GLIPR1L2: variants seen among roughly 807,000 people sequenced by gnomAD.
GLIPR1L2 encodes GLIPR1 like 2.
GLIPR1L2 carries 21 observed loss-of-function variants against 28.4 expected under a neutral mutation model. The ratio of observed to expected loss-of-function variants is 0.74; its 90% confidence interval spans 0.52 to 1.06. The LOEUF (loss-of-function observed/expected upper bound fraction) is 1.06, where lower values mean the gene tolerates loss of function less well. Ranked by LOEUF, GLIPR1L2 falls within the 50% of genes least tolerant of loss-of-function variation. GLIPR1L2 has a pLI of 0.00. For missense variants in GLIPR1L2, 476 were observed against 416.9 expected, an observed-to-expected ratio of 1.14 and a Z score of -1.23; for synonymous variants, 145 against 139.3, an observed-to-expected ratio of 1.04 and a Z score of -0.29.
At chr12:75,409,161 A>C (rs1412912358) in intron 1 of GLIPR1L2, among the ~76,000 whole-genome samples, 3 of 151,942 alleles carry the variant, frequency 2.0e-5, no homozygotes, top group Non-Finnish European at 4.4e-5. Flanking sequence ...AGCTATTCTT[A>C]GTGTTAGTGT....
intron 3 of GLIPR1L2, among the ~76,000 whole-genome samples, chr12:75,421,035 G>A (rs1184549060): frequency 6.6e-6 from 1 of 152,096 alleles, no homozygotes; most frequent in Non-Finnish European, 1.5e-5. Context: ...GTTCTCAAAG[G>A]CAGTTTTTAT....
intron 1 of GLIPR1L2, among the ~76,000 whole-genome samples, chr12:75,399,750 G>GT (rs1355935954): frequency 6.6e-6 from 1 of 152,148 alleles, no homozygotes; most frequent in African/African-American, 2.4e-5. Flanking sequence ...TGACTAATCA[G>GT]TTTTTTAAAA....
intron 3 of GLIPR1L2, among the ~76,000 whole-genome samples, chr12:75,418,690 A>G (rs12423560): frequency 0.18 from 26,620 of 152,064 alleles, 2,575 homozygotes; most frequent in Admixed American, 0.24. Context: ...TGAAATTTAA[A>G]GTAGTTTTTT....
chr12:75,419,732 GGA>G (rs1467032048), intron 3 of GLIPR1L2, among the ~76,000 whole-genome samples: 1 of 152,174 alleles, frequency 6.6e-6, no homozygotes, highest in East Asian at 1.9e-4. Flanking sequence ...AGTGAAGGGA[GGA>G]GACCCAGCCA....
rs138045759 is a variant in GLIPR1L2 at position 75,405,975 on chromosome 12, C to G, written c.235-4459C>G. On this transcript the variant is annotated intron_variant, in intron 1 of 5. Coordinates refer to ENST00000550916, the MANE Select transcript of GLIPR1L2 (RefSeq NM_001270396.2). ...CATTTACTTAGGTTACTGGTCTGCTCTTAATAAGAAATTGTCAAAAGTTTT... is the reference window on the plus strand; with the variant it reads ...CATTTACTTAGGTTACTGGTCTGCTGTTAATAAGAAATTGTCAAAAGTTTT... Among the ~76,000 whole-genome samples, 407 of 148,884 alleles carry G rather than the reference C, an allele frequency of 2.7e-3. 2 individuals carry two copies. The highest frequency in any genetic ancestry group is 9.6e-3 in the African/African-American group (390 of 40,526).
chr12:75,391,514 G>A lies in GLIPR1L2; in HGVS notation c.234+164G>A, dbSNP rs2045595736. 7 of 1,535,090 alleles carry A rather than the reference G, an allele frequency of 4.6e-6. No individual in the cohort carries two copies. In the East Asian group the frequency reaches 1.7e-4, roughly 38 times the overall value. On this transcript the variant is annotated intron_variant, in intron 1 of 5. Transcript: ENST00000550916. ...CGTGAAGTTTACACAGAGAAAAACT[G>A]CGGACACTCTAACACATGCTTATTA...
In GLIPR1L2 at chr12:75,410,442, T is replaced by G. The variant is rs1312265799; in HGVS notation, c.243T>G (p.Asp81Glu). 1 of 1,567,534 alleles carries G rather than the reference T, an allele frequency of 6.4e-7. No homozygotes were observed. Among genetic ancestry groups the G allele is most frequent in the South Asian group, 1.2e-5 (1 of 83,386 alleles). ...RGSNLRFMTW[D>E]VALSRTARAW... ...TTTTGAATATTTTTCAGACTTGGGA[T>G]GTAGCTTTATCACGGACTGCTAGAG... is the stretch of plus-strand genomic sequence containing the variant. Residue 81 changes from aspartate (D) to glutamate (E), a missense_variant, in exon 2 of 6, where the codon GAT becomes GAG. Physicochemically the swap from Asp to Glu is conservative, Grantham distance 45 (BLOSUM62 2). Transcript: ENST00000550916.
intron 3 of GLIPR1L2, among the ~76,000 whole-genome samples, chr12:75,414,169 G>T (rs1205670054): frequency 6.6e-6 from 1 of 151,906 alleles, no homozygotes; most frequent in African/African-American, 2.4e-5. Context: ...ACATCTCAGA[G>T]ATTGAAAAGC....
intron 4 of GLIPR1L2, among the ~76,000 whole-genome samples, chr12:75,426,698 A>C (rs764537891): frequency 6.6e-6 from 1 of 152,218 alleles, no homozygotes; most frequent in Non-Finnish European, 1.5e-5. Context: ...TCCCACGTAA[A>C]GGGGGAAAAT....
At chr12:75,408,255 A>T (rs1024389342) in intron 1 of GLIPR1L2, among the ~76,000 whole-genome samples, 1 of 151,986 alleles carries the variant, frequency 6.6e-6, no homozygotes, top group East Asian at 1.9e-4. Flanking sequence ...AAGAATTTGG[A>T]GCTCTTACAA....
At chr12:75,401,166 CATAAA>C (rs2045737332) in intron 1 of GLIPR1L2, among the ~76,000 whole-genome samples, 1 of 151,418 alleles carries the variant, frequency 6.6e-6, no homozygotes, top group Non-Finnish European at 1.5e-5. Context: ...AAACTGTAAA[CATAAA>C]ATAATATTTT....
intron 3 of GLIPR1L2, among the ~76,000 whole-genome samples, chr12:75,422,086 A>T (rs957955894): frequency 3.3e-5 from 5 of 150,022 alleles, no homozygotes; most frequent in Non-Finnish European, 7.4e-5. Context: ...AAACTCCTGG[A>T]CTCAACTGAT....
intron 3 of GLIPR1L2, among the ~76,000 whole-genome samples, chr12:75,414,846 C>T (rs555932098): frequency 6.6e-6 from 1 of 152,142 alleles, no homozygotes; most frequent in African/African-American, 2.4e-5. Flanking sequence ...TTTCTGCTAA[C>T]AAGACGCAAA....
chr12:75,393,251 CAT>C, intron 1 of GLIPR1L2, among the ~76,000 whole-genome samples: 1 of 152,110 alleles, frequency 6.6e-6, no homozygotes, highest in African/African-American at 2.4e-5. Context: ...CAGGACATAA[CAT>C]TTACCATTTT....
intron 1 of GLIPR1L2, among the ~76,000 whole-genome samples, chr12:75,396,718 T>A (rs1277078331): frequency 1.3e-5 from 2 of 152,308 alleles, no homozygotes; most frequent in East Asian, 1.9e-4. Context: ...TCAGGACCTA[T>A]CCCAGACTTA....
intron 1 of GLIPR1L2, 148 bp downstream of exon 1, chr12:75,391,498 T>C: frequency 6.5e-7 from 1 of 1,540,416 alleles, no homozygotes; most frequent in Middle Eastern, 1.7e-4. Context: ...ACGTGAAGTT[T>C]ACACAGAGAA....
intron 4 of GLIPR1L2, chr12:75,423,257 T>G: frequency 7.9e-7 from 1 of 1,260,048 alleles, no homozygotes; most frequent in East Asian, 3.4e-5. Flanking sequence ...AGTTATACCC[T>G]TAAAAAGCTT....
At chr12:75,408,659 G>T (rs1272912701) in intron 1 of GLIPR1L2, among the ~76,000 whole-genome samples, 1 of 151,966 alleles carries the variant, frequency 6.6e-6, no homozygotes, top group Non-Finnish European at 1.5e-5. Context: ...ATAGGTATCC[G>T]TGCTGCGGAA....
At chr12:75,429,681 G>A (rs937433542) in intron 4 of GLIPR1L2, among the ~76,000 whole-genome samples, 15 of 152,118 alleles carry the variant, frequency 9.9e-5, no homozygotes, top group Non-Finnish European at 1.6e-4. Flanking sequence ...CAAGTGCTGA[G>A]GGAGGGACCT....
Sources: gnomAD v4.1 joint callset for allele counts (sites outside exome capture counted in the v4.1 genomes callset) on GRCh38, gnomAD v4.1.1 for gene constraint, MANE v1.5 for transcripts, NCBI Gene and HGNC (gene_info 2026-07-23, HGNC 2026-07-21) for gene names.